Variants in STAT5B observed in about 807,000 individuals in gnomAD.
The protein encoded by STAT5B is transcription factor STAT5B.
A neutral mutation model predicts 107.8 loss-of-function variants in STAT5B; 21 were observed. That is an observed-to-expected ratio of 0.19 (90% CI 0.14 to 0.28). The LOEUF (loss-of-function observed/expected upper bound fraction) is 0.28. STAT5B is among the 10% of genes least tolerant of loss of function. The probability of loss-of-function intolerance (pLI) is 1.00; values close to 1 mark genes in which losing one functional copy is unlikely to be tolerated. For synonymous variants in STAT5B, 325 were observed against 401.7 expected, an observed-to-expected ratio of 0.81 and a Z score of 2.28; for missense variants, 565 against 1,008.2, an observed-to-expected ratio of 0.56 and a Z score of 5.95.
intron 3 of STAT5B, among the ~76,000 whole-genome samples, chr17:42,226,499 G>C (rs72820888): frequency 0.02 from 3,034 of 152,092 alleles, 100 homozygotes; most frequent in East Asian, 0.12. Context: ...TGCAAGACAA[G>C]GTTCATTCTT....
At chr17:42,281,512 G>A (rs2080795659), upstream of STAT5B, among the ~76,000 whole-genome samples, 1 of 152,216 alleles carries the variant, frequency 6.6e-6, no homozygotes, top group Non-Finnish European at 1.5e-5. Flanking sequence ...TAAGCACTGT[G>A]CCTGGCACTT....
Position 42,210,439 on chromosome 17 carries a change from A to G in STAT5B, c.1739T>C (p.Val580Ala), listed in dbSNP as rs1252551527. The G allele has an allele frequency of 6.2e-7, 1 of 1,614,098 alleles. No individual in the cohort carries two copies. The highest frequency in any genetic ancestry group is 1.3e-5 in the African/African-American group (1 of 74,934). Residue 580 changes from valine to alanine, a missense_variant, in exon 14 of 19, where the codon GTG becomes GCG. Val to Ala is a moderately conservative substitution (Grantham distance 64, BLOSUM62 0). Around this residue, in one of 11 missense-constraint regions of STAT5B, gnomAD observed 127 missense variants for 215.8 expected, o/e 0.59. Transcript: ENST00000293328. ...ATGAGGCTTGAGATGTTTTTTTAACACTTCCATCACACCGTCAAACCATTG... is the reference window on the plus strand; with the variant it reads ...ATGAGGCTTGAGATGTTTTTTTAACGCTTCCATCACACCGTCAAACCATTG... ...FWQWFDGVME[V>A]LKKHLKPHWN...
chr17:42,243,639 AG>A (rs1435095345), intron 1 of STAT5B, among the ~76,000 whole-genome samples: 1 of 152,198 alleles, frequency 6.6e-6, no homozygotes, highest in Non-Finnish European at 1.5e-5. Context: ...AGTATATGCG[AG>A]TACTCATTGT....
At chr17:42,244,614 T>A (rs139465674) in intron 1 of STAT5B, among the ~76,000 whole-genome samples, 8 of 152,092 alleles carry the variant, frequency 5.3e-5, no homozygotes, top group African/African-American at 1.9e-4. Context: ...AATCCACACA[T>A]GTTACCAATA....
chr17:42,218,233 G>A lies in STAT5B; in HGVS notation c.1087C>T (p.His363Tyr), dbSNP rs778035877. 6.2e-7 allele frequency: 1 copy of A among 1,614,150 alleles called. No individual in the cohort carries two copies. The stretch of plus-strand genomic sequence containing the variant: ...GCCTTCACCTGGGGGGGGTTCATGT[G>A]CACGTTCAGCTTCCCGCCCACCAGC... ...RLLVGGKLNV[H>Y]MNPPQVKATI... is the part of the protein sequence containing the mutation. Residue 363 changes from histidine to tyrosine, a missense_variant, in exon 9 of 19, where the codon CAC becomes TAC. Physicochemically the swap from His to Tyr is moderately conservative, Grantham distance 83 (BLOSUM62 2). This residue lies in a region of STAT5B where 70 missense variants were observed against 73.2 expected (regional missense o/e 0.96). Coordinates refer to ENST00000293328, the MANE Select transcript of STAT5B (RefSeq NM_012448.4).
intron 1 of STAT5B, among the ~76,000 whole-genome samples, chr17:42,259,652 T>G (rs1279281406): frequency 6.6e-6 from 1 of 151,966 alleles, no homozygotes; most frequent in Non-Finnish European, 1.5e-5. Context: ...CCGGGCGTGG[T>G]GGCAGGTGCC....
chr17:42,285,067 G>A, the STAT5B span, among the ~76,000 whole-genome samples: 1 of 151,846 alleles, frequency 6.6e-6, no homozygotes, highest in African/African-American at 2.4e-5. Context: ...GTCTTCTTTT[G>A]GAGAATATAT....
chr17:42,235,630 G>A (rs1475631811), intron 1 of STAT5B, among the ~76,000 whole-genome samples: 4 of 151,782 alleles, frequency 2.6e-5, no homozygotes, highest in Admixed American at 6.6e-5. Context: ...GGCACACACC[G>A]CCACGCCCAG....
At chr17:42,261,501 A>G (rs1312117068) in intron 1 of STAT5B, among the ~76,000 whole-genome samples, 1 of 152,166 alleles carries the variant, frequency 6.6e-6, no homozygotes, top group Non-Finnish European at 1.5e-5. Flanking sequence ...TGTTATAGCA[A>G]TTTCACTATA....
chr17:42,266,699 CT>C (rs1417992414), intron 1 of STAT5B, among the ~76,000 whole-genome samples: 1 of 151,878 alleles, frequency 6.6e-6, no homozygotes, highest in Non-Finnish European at 1.5e-5. Context: ...AGCAAGACCC[CT>C]GTCTCTATTT....
At chr17:42,254,256 T>C (rs943712934) in intron 1 of STAT5B, among the ~76,000 whole-genome samples, 4 of 152,142 alleles carry the variant, frequency 2.6e-5, no homozygotes, top group African/African-American at 9.7e-5. Context: ...GGTATGTACC[T>C]GTAATCCTAG....
intron 4 of STAT5B, among the ~76,000 whole-genome samples, chr17:42,224,480 C>G (rs1448718221): frequency 6.6e-6 from 1 of 151,970 alleles, no homozygotes; most frequent in East Asian, 1.9e-4. Context: ...GCCAGGACTA[C>G]AGGCATATGC....
At chr17:42,262,744 G>GTA (rs202099903) in intron 1 of STAT5B, among the ~76,000 whole-genome samples, 35 of 108,884 alleles carry the variant, frequency 3.2e-4, no homozygotes, top group African/African-American at 1.1e-3. Context: ...AGCAGAGTGT[G>GTA]TATATATATG....
chr17:42,222,250 T>A (rs753183981), intron 5 of STAT5B, among the ~76,000 whole-genome samples: 3 of 151,974 alleles, frequency 2.0e-5, no homozygotes, highest in Admixed American at 1.3e-4. Context: ...AAGGCTTCTC[T>A]GAGACTGAGC....
rs941271207 is a variant in STAT5B at position 42,218,953 on chromosome 17, C to G, written c.834-75G>C. 1.2e-5 allele frequency: 20 copies of G among 1,612,294 alleles called. No homozygotes were observed. The African/African-American group carries it at 2.4e-4, about 19-fold the overall frequency. On this transcript the variant is annotated intron_variant, in intron 7 of 18. Coordinates refer to ENST00000293328, the MANE Select transcript of STAT5B (RefSeq NM_012448.4). ...GACGCCAGGCCCCAAGACACAGCTC[C>G]CGTTCCCCCAGGAAGGCTCTGTGCT...
chr17:42,274,281 CA>C (rs534342062), intron 1 of STAT5B, among the ~76,000 whole-genome samples: 437 of 62,518 alleles, frequency 7.0e-3, no homozygotes, highest in African/African-American at 9.8e-3. Context: ...GTTTGCTTTA[CA>C]AAAAAAAAAA....
chr17:42,265,667 T>C lies in STAT5B; in HGVS notation c.-11+10581A>G, dbSNP rs541908838. Among the ~76,000 whole-genome samples the C allele has an allele frequency of 2.0e-5, 3 of 152,264 alleles. No homozygotes were observed. The East Asian group carries it at 5.8e-4, about 29-fold the overall frequency. ...TGCCCAGCTTGAGTATGCACTCTTT[T>C]AAGCTCTCAATACATGTATCAAACT... is the stretch of plus-strand genomic sequence containing the variant. On this transcript the variant is annotated intron_variant, in intron 1 of 18. Coordinates refer to ENST00000293328, the MANE Select transcript of STAT5B (RefSeq NM_012448.4).
intron 1 of STAT5B, among the ~76,000 whole-genome samples, chr17:42,241,907 T>C (rs2080406687): frequency 1.3e-5 from 2 of 152,082 alleles, no homozygotes. Context: ...TTCTAAATAC[T>C]ACCCTATATG....
chr17:42,229,220 G>A (rs1040217928), intron 2 of STAT5B, among the ~76,000 whole-genome samples: 2 of 152,012 alleles, frequency 1.3e-5, no homozygotes, highest in Non-Finnish European at 2.9e-5. Context: ...CACGATCTTA[G>A]CTCACTGCAA....
Sources: gnomAD v4.1 joint callset for allele counts (sites outside exome capture counted in the v4.1 genomes callset) on GRCh38, gnomAD v4.1.1 for gene constraint, gnomAD v4.1.1 regional missense constraint, MANE v1.5 for transcripts, NCBI Gene and HGNC (gene_info 2026-07-23, HGNC 2026-07-21) for gene names.